Variants in DGKI observed in about 807,000 individuals in gnomAD.
The protein encoded by DGKI is DAG kinase iota.
In DGKI, 55 loss-of-function variants were observed where a neutral mutation model predicts 147.5. The observed-to-expected ratio is 0.37, with a 90% CI of 0.30 to 0.47. The LOEUF (loss-of-function observed/expected upper bound fraction) is 0.47, where lower values mean the gene tolerates loss of function less well. DGKI is among the 20% of genes least tolerant of loss of function. The pLI is 1.00. For missense variants in DGKI, 1,007 were observed against 1,323.8 expected (o/e 0.76, Z 3.71); for synonymous variants, 469 against 477.1 (o/e 0.98, Z 0.22).
At chr7:137,674,680 T>C (rs752285059) in intron 3 of DGKI, among the ~76,000 whole-genome samples, 5 of 152,198 alleles carry the variant, frequency 3.3e-5, no homozygotes, top group Non-Finnish European at 7.4e-5. Context: ...GATTGCCACC[T>C]CGTTTGTACA....
intron 19 of DGKI, among the ~76,000 whole-genome samples, chr7:137,559,426 C>T (rs1211239291): frequency 6.6e-6 from 1 of 152,020 alleles, no homozygotes; most frequent in East Asian, 1.9e-4. Context: ...CCATCTAGAG[C>T]CCTGTTTCTT....
At chr7:137,519,441 C>T (rs1013726869) in intron 21 of DGKI, among the ~76,000 whole-genome samples, 1 of 152,018 alleles carries the variant, frequency 6.6e-6, no homozygotes, top group Admixed American at 6.6e-5. Context: ...TAACTTCAAA[C>T]GCAGTACCAT....
At position 137,846,442 on chromosome 7, in the gene DGKI, T is replaced by C; in HGVS notation, c.401+20A>G. ...CCCGCCGCGGCGCACCTGTCTCGGC[T>C]GCCGGCTCCCCGCACCTACCTGTAC... On this transcript the variant is annotated intron_variant, in intron 1 of 32. Coordinates refer to ENST00000614521, the MANE Select transcript of DGKI (RefSeq NM_001321708.2). The surrounding 1 kb of genome is among the most constrained non-coding windows in gnomAD (Gnocchi z 4.0). The C allele has an allele frequency of 1.9e-6, 3 of 1,560,846 alleles. No homozygotes were observed. Among genetic ancestry groups the C allele is most frequent in the Non-Finnish European group, 2.6e-6 (3 of 1,148,774 alleles).
intron 1 of DGKI, among the ~76,000 whole-genome samples, chr7:137,816,766 G>A (rs890201586): frequency 6.6e-6 from 1 of 152,188 alleles, no homozygotes; most frequent in Non-Finnish European, 1.5e-5. Context: ...TGACAATAGG[G>A]GGTGAGTAAG....
chr7:137,651,656 T>A (rs2129010756), intron 5 of DGKI, among the ~76,000 whole-genome samples: 2 of 152,218 alleles, frequency 1.3e-5, no homozygotes, highest in South Asian at 2.1e-4. Flanking sequence ...GATAAGCTCC[T>A]CTAACAGGAG....
intron 22 of DGKI, among the ~76,000 whole-genome samples, chr7:137,486,615 G>A (rs1815569865): frequency 6.6e-6 from 1 of 152,058 alleles, no homozygotes; most frequent in African/African-American, 2.4e-5. Context: ...ATCCACATCA[G>A]TATTCAATAT....
chr7:137,705,292 T>C (rs1793980250), intron 1 of DGKI, among the ~76,000 whole-genome samples: 1 of 152,000 alleles, frequency 6.6e-6, no homozygotes, highest in Non-Finnish European at 1.5e-5. Context: ...GCTTTATTCA[T>C]ATTAGTAAAG....
At position 137,489,635 on chromosome 7, in the gene DGKI, G is replaced by A. The variant is rs147232563; in HGVS notation, c.2249-1946C>T. Among the ~76,000 whole-genome samples the A allele has an allele frequency of 7.2e-5, 11 of 152,184 alleles. No individual in the cohort carries two copies. In the East Asian group the frequency reaches 1.4e-3, roughly 19 times the overall value. On this transcript the variant is annotated intron_variant, in intron 21 of 32. Coordinates refer to ENST00000614521, the MANE Select transcript of DGKI (RefSeq NM_001321708.2). ...GAATTTCTAATATTTGAGGAATGAT[G>A]AGGAAAAGTTGGAATTTTGACATAG...
intron 21 of DGKI, among the ~76,000 whole-genome samples, chr7:137,497,955 A>G (rs992008954): frequency 6.6e-6 from 1 of 152,146 alleles, no homozygotes; most frequent in African/African-American, 2.4e-5. Flanking sequence ...CCTGAATCTA[A>G]AAGTTTTTTT....
intron 1 of DGKI, among the ~76,000 whole-genome samples, chr7:137,747,453 G>A (rs1795372091): frequency 6.6e-6 from 1 of 152,084 alleles, no homozygotes; most frequent in Admixed American, 6.6e-5. Flanking sequence ...TCTCCATAGG[G>A]CATAATCCGT....
At chr7:137,426,094 T>C (rs1812791742) in intron 28 of DGKI, among the ~76,000 whole-genome samples, 1 of 152,084 alleles carries the variant, frequency 6.6e-6, no homozygotes, top group African/African-American at 2.4e-5. Flanking sequence ...AGGCACATAA[T>C]TGTCAGATTC....
At chr7:137,835,362 A>G (rs1798344834) in intron 1 of DGKI, among the ~76,000 whole-genome samples, 1 of 152,128 alleles carries the variant, frequency 6.6e-6, no homozygotes, top group African/African-American at 2.4e-5. Context: ...TTTTCTCCAT[A>G]TGTTCAACAA....
At chr7:137,803,314 T>G (rs1797270057) in intron 1 of DGKI, among the ~76,000 whole-genome samples, 2 of 152,182 alleles carry the variant, frequency 1.3e-5, no homozygotes, top group African/African-American at 4.8e-5. Context: ...TACATTCCAG[T>G]ATACAGTTTA....
intron 3 of DGKI, among the ~76,000 whole-genome samples, chr7:137,676,754 G>C (rs1175822321): frequency 6.6e-6 from 1 of 152,094 alleles, no homozygotes; most frequent in Non-Finnish European, 1.5e-5. Context: ...GCTTTTCCTG[G>C]CCTAAAGGTA....
At chr7:137,524,965 T>A (rs1199113374) in intron 20 of DGKI, among the ~76,000 whole-genome samples, 1 of 152,026 alleles carries the variant, frequency 6.6e-6, no homozygotes, top group African/African-American at 2.4e-5. Flanking sequence ...TCAAAACCCA[T>A]AAAGTGGCTG....
chr7:137,537,784 T>C (rs1454637426), intron 20 of DGKI, among the ~76,000 whole-genome samples: 1 of 152,310 alleles, frequency 6.6e-6, no homozygotes, highest in East Asian at 1.9e-4. Context: ...GCAAACCATA[T>C]CTGATGGATC....
At chr7:137,538,856 T>C (rs1044790120) in intron 20 of DGKI, among the ~76,000 whole-genome samples, 9 of 152,114 alleles carry the variant, frequency 5.9e-5, no homozygotes, top group African/African-American at 1.9e-4. Flanking sequence ...GATTTTAAGA[T>C]ACTATCAAAT....
Position 137,689,875 on chromosome 7 carries a change from T to C in DGKI, c.510+19A>G, listed in dbSNP as rs1443874237. 2 of 1,485,508 alleles carry C rather than the reference T, an allele frequency of 1.3e-6. No homozygotes were observed. Among genetic ancestry groups the C allele is most frequent in the Non-Finnish European group, 1.8e-6 (2 of 1,106,136 alleles). The allele number at this position is 1,485,508 out of a possible 1,614,324, so 92.0% of individuals were successfully genotyped here. On this transcript the variant is annotated intron_variant, in intron 2 of 32. Coordinates refer to ENST00000614521, the MANE Select transcript of DGKI (RefSeq NM_001321708.2). Reference sequence around the variant, plus strand: ...AACATGCACTGAAGTGATGTTTAAATGAAAAGGCCAACACCTACACTCCAG... The same window carrying C: ...AACATGCACTGAAGTGATGTTTAAACGAAAAGGCCAACACCTACACTCCAG...
chr7:137,835,021 G>A (rs117105830), intron 1 of DGKI, among the ~76,000 whole-genome samples: 1,658 of 152,256 alleles, frequency 0.011, 13 homozygotes, highest in South Asian at 0.021. Context: ...GTCTTGTACC[G>A]TATTTTCTAT....
Sources: allele counts gnomAD v4.1 joint callset (sites outside exome capture counted in the v4.1 genomes callset), GRCh38; gene constraint gnomAD v4.1.1; non-coding constraint Gnocchi (gnomAD v3.1); transcripts MANE v1.5; gene names NCBI Gene and HGNC (gene_info 2026-07-23, HGNC 2026-07-21).